DSCAM: variants seen among roughly 807,000 people sequenced by gnomAD.
DSCAM encodes cell adhesion molecule DSCAM.
Under a neutral mutation model 217.7 loss-of-function variants are expected in DSCAM, and 47 were observed. That is an observed-to-expected ratio of 0.22 (90% CI 0.17 to 0.28). The LOEUF (loss-of-function observed/expected upper bound fraction) is 0.28, where lower values mean the gene tolerates loss of function less well. DSCAM is among the 10% of genes least tolerant of loss of function. DSCAM has a pLI of 1.00. For missense variants in DSCAM, 2,080 were observed against 2,618.3 expected (o/e 0.79, Z 4.49); for synonymous variants, 1,056 against 1,015.3 (o/e 1.04, Z -0.76).
intron 3 of DSCAM, among the ~76,000 whole-genome samples, chr21:40,552,507 G>A (rs2076638708): frequency 6.6e-6 from 1 of 152,174 alleles, no homozygotes; most frequent in Non-Finnish European, 1.5e-5. Context: ...TTGCTGCAGT[G>A]TGGGAAACAT....
chr21:40,649,901 A>G (rs2089992878), intron 3 of DSCAM, among the ~76,000 whole-genome samples: 1 of 152,208 alleles, frequency 6.6e-6, no homozygotes, highest in Non-Finnish European at 1.5e-5. Flanking sequence ...AGAGAGAGAC[A>G]GAGTAGAGTT....
chr21:40,583,577 G>A (rs1271984091), intron 3 of DSCAM, among the ~76,000 whole-genome samples: 1 of 152,146 alleles, frequency 6.6e-6, no homozygotes, highest in Non-Finnish European at 1.5e-5. Context: ...AAAAAGAGAA[G>A]AGGATAAAGG....
chr21:40,031,427 A>C (rs949811278), intron 32 of DSCAM, among the ~76,000 whole-genome samples: 3 of 152,202 alleles, frequency 2.0e-5, no homozygotes, highest in African/African-American at 7.2e-5. Flanking sequence ...ATATCTCCTG[A>C]GTAAAAAGAC....
chr21:40,704,315 T>G (rs1440682236), intron 2 of DSCAM, among the ~76,000 whole-genome samples: 6 of 152,218 alleles, frequency 3.9e-5, no homozygotes, highest in Admixed American at 3.9e-4. Flanking sequence ...TTCTTTCACT[T>G]AGTAACAGGC....
intron 1 of DSCAM, among the ~76,000 whole-genome samples, chr21:40,805,777 C>T (rs529308798): frequency 1.3e-3 from 195 of 152,018 alleles, no homozygotes; most frequent in Middle Eastern, 3.4e-3. Flanking sequence ...GGCCCCATCT[C>T]GGCTCACTGC....
chr21:40,365,052 GTATC>G (rs1480910852), intron 4 of DSCAM, among the ~76,000 whole-genome samples: 1 of 150,492 alleles, frequency 6.6e-6, no homozygotes, highest in African/African-American at 2.4e-5. Context: ...ATAAAAATGA[GTATC>G]TATAATATAT....
chr21:40,345,646 T>C (rs1398948251), intron 6 of DSCAM, among the ~76,000 whole-genome samples: 1 of 152,216 alleles, frequency 6.6e-6, no homozygotes, highest in Non-Finnish European at 1.5e-5. Flanking sequence ...TAGTTCACAG[T>C]ATTGCAAATT....
chr21:40,760,342 C>T (rs1034869963), intron 1 of DSCAM, among the ~76,000 whole-genome samples: 3 of 152,090 alleles, frequency 2.0e-5, no homozygotes, highest in African/African-American at 4.8e-5. Flanking sequence ...ATTCAATTGG[C>T]CCTTGCTTCA....
At chr21:40,414,444 T>G (rs973972131) in intron 3 of DSCAM, among the ~76,000 whole-genome samples, 1 of 152,156 alleles carries the variant, frequency 6.6e-6, no homozygotes, top group Non-Finnish European at 1.5e-5. Flanking sequence ...AACGCATACC[T>G]CCTAGAATAG....
rs78905513 is a variant in DSCAM, at chr21:40,538,587, T to C, written c.508+154223A>G. On this transcript the variant is annotated intron_variant, in intron 3 of 32. Transcript: ENST00000400454. ...TCAAAATTTGCCTTGATATTGTGCT[T>C]TCTGTGTTTGCCATACAATGAATTC... 5.3e-3 allele frequency among the ~76,000 whole-genome samples: 800 copies of C among 152,290 alleles called. 11 individuals carry two copies. Among genetic ancestry groups the C allele is most frequent in the African/African-American group, 0.018 (742 of 41,560 alleles).
chr21:40,207,340 T>C (rs1157174695), intron 11 of DSCAM, among the ~76,000 whole-genome samples: 1 of 152,086 alleles, frequency 6.6e-6, no homozygotes, highest in Non-Finnish European at 1.5e-5. Context: ...AAGTGTCCAG[T>C]TTGGTAGGAG....
intron 6 of DSCAM, among the ~76,000 whole-genome samples, chr21:40,342,767 T>TTTTTTTTA (rs60517512): frequency 7.1e-6 from 1 of 141,256 alleles, no homozygotes; most frequent in Non-Finnish European, 1.5e-5. Context: ...TTTTTTTTTT[T>TTTTTTTTA]GTAGAGACAA....
At chr21:40,036,190 A>G (rs2088619226) in intron 32 of DSCAM, among the ~76,000 whole-genome samples, 1 of 146,416 alleles carries the variant, frequency 6.8e-6, no homozygotes, top group Non-Finnish European at 1.5e-5. Flanking sequence ...GGAAATAGAG[A>G]CACAAAAAAC....
At chr21:40,579,303 T>C (rs1480346759) in intron 3 of DSCAM, among the ~76,000 whole-genome samples, 4 of 149,938 alleles carry the variant, frequency 2.7e-5, no homozygotes, top group African/African-American at 9.8e-5. Context: ...AACTTCAGAG[T>C]AGACACAGAA....
Position 40,078,786 on chromosome 21 carries a change from G to A in DSCAM, c.4612C>T (p.Leu1538=), listed in dbSNP as rs920000322. ...SLSKSYILYD[L]QEATWYELQM... is the part of the protein sequence containing the mutation. ...AGCTCATACCAGGTGGCTTCCTGCAGGTCATACAGGATGTAGGACTTGGAG... is the reference window on the plus strand; with the variant it reads ...AGCTCATACCAGGTGGCTTCCTGCAAGTCATACAGGATGTAGGACTTGGAG... The change falls in exon 26 of 33, where the codon CTG becomes TTG. Residue 1538 remains leucine (L), a synonymous_variant. Transcript: ENST00000400454. The A allele has an allele frequency of 6.8e-6, 11 of 1,614,130 alleles. No homozygotes were observed. Among genetic ancestry groups the A allele is most frequent in the Non-Finnish European group, 9.3e-6 (11 of 1,180,060 alleles).
intron 3 of DSCAM, among the ~76,000 whole-genome samples, chr21:40,477,425 T>C (rs954828679): frequency 2.0e-5 from 3 of 152,336 alleles, no homozygotes; most frequent in East Asian, 1.9e-4. Context: ...GTCTTTTCTA[T>C]AGTAGAAATT....
chr21:40,273,660 C>T (rs2073649230), intron 11 of DSCAM, among the ~76,000 whole-genome samples: 1 of 152,192 alleles, frequency 6.6e-6, no homozygotes. Context: ...ACTGGGGCTG[C>T]TGTAACAAAG....
chr21:40,074,899 G>A, intron 27 of DSCAM, 138 bp downstream of exon 27: 1 of 811,350 alleles, frequency 1.2e-6, no homozygotes. Context: ...GAATGTCAGA[G>A]AACCAGGCAG....
intron 3 of DSCAM, among the ~76,000 whole-genome samples, chr21:40,594,472 T>C (rs984235418): frequency 6.6e-6 from 1 of 152,314 alleles, no homozygotes; most frequent in African/African-American, 2.4e-5. Context: ...ATCTCACTCT[T>C]ATCATCTGAA....
Sources: gnomAD v4.1 joint callset for allele counts (sites outside exome capture counted in the v4.1 genomes callset) on GRCh38, gnomAD v4.1.1 for gene constraint, MANE v1.5 for transcripts, NCBI Gene and HGNC (gene_info 2026-07-23, HGNC 2026-07-21) for gene names.